Variants in EPHA5 observed in about 807,000 individuals in gnomAD.
EPHA5 encodes the protein ephrin type-A receptor 5.
A neutral mutation model predicts 105.0 loss-of-function variants in EPHA5; 60 were observed. The observed-to-expected ratio is 0.57, with a 90% confidence interval of 0.46 to 0.71. EPHA5 has a LOEUF of 0.71. Ranked by LOEUF, EPHA5 falls within the 30% of genes least tolerant of loss-of-function variation. The probability of loss-of-function intolerance (pLI) is 0.00; values close to 1 mark genes in which losing one functional copy is unlikely to be tolerated. For missense variants in EPHA5, 1,218 were observed against 1,274.7 expected, an observed-to-expected ratio of 0.96 and a Z score of 0.68; for synonymous variants, 513 against 449.1, an observed-to-expected ratio of 1.14 and a Z score of -1.80.
At chr4:65,402,929 A>T (rs1721990711) in intron 8 of EPHA5, among the ~76,000 whole-genome samples, 1 of 152,150 alleles carries the variant, frequency 6.6e-6, no homozygotes, top group South Asian at 2.1e-4. Context: ...TCCCCAGGTG[A>T]CTTCAGAGAG....
In EPHA5 at chr4:65,669,935, C is replaced by T; in HGVS notation, c.-193G>A. On this transcript the variant is annotated 5_prime_UTR_variant, in exon 1 of 17. Transcript: ENST00000613740. ...CAGCTGAAGTTTGCTTCTGGCTCCT[C>T]TCGCCTCCCCCTTTGGTGGGGTTAA... 1 of 799,972 alleles carries T rather than the reference C, an allele frequency of 1.3e-6. No homozygotes were observed. Among genetic ancestry groups the T allele is most frequent in the African/African-American group, 1.8e-5 (1 of 56,168 alleles). The allele number at this position is 799,972 out of a possible 1,614,324, so 49.6% of individuals were successfully genotyped here. A position where few individuals can be genotyped will look rare whatever the true frequency, so the allele number is the denominator to read the frequency against.
At chr4:65,434,133 C>T (rs565657257) in intron 5 of EPHA5, among the ~76,000 whole-genome samples, 1 of 152,280 alleles carries the variant, frequency 6.6e-6, no homozygotes, top group South Asian at 2.1e-4. Context: ...TTATCTAACT[C>T]TATTGGCTCT....
At chr4:65,502,470 G>C (rs1409099542) in intron 3 of EPHA5, among the ~76,000 whole-genome samples, 1 of 150,142 alleles carries the variant, frequency 6.7e-6, no homozygotes, top group Non-Finnish European at 1.5e-5. Context: ...CTTCTCAAAA[G>C]AAAAGATACA....
chr4:65,393,408 A>G (rs536463559), intron 8 of EPHA5, among the ~76,000 whole-genome samples: 17 of 152,250 alleles, frequency 1.1e-4, no homozygotes, highest in African/African-American at 4.1e-4. Flanking sequence ...GAAGGGTGAG[A>G]GCCCTAAAGT....
At chr4:65,576,610 C>A (rs1305917826) in intron 3 of EPHA5, among the ~76,000 whole-genome samples, 3 of 152,170 alleles carry the variant, frequency 2.0e-5, no homozygotes, top group Admixed American at 2.0e-4. Context: ...ACTGAATTAT[C>A]CAAATAAGGC....
chr4:65,479,483 T>C, intron 5 of EPHA5, among the ~76,000 whole-genome samples: 1 of 152,310 alleles, frequency 6.6e-6, no homozygotes, highest in East Asian at 1.9e-4. Context: ...AAAATAGAAC[T>C]ATATTAGGTA....
At chr4:65,426,405 T>G (rs6551926) in intron 5 of EPHA5, among the ~76,000 whole-genome samples, 64,288 of 152,076 alleles carry the variant, frequency 0.42, 14,789 homozygotes, top group Non-Finnish European at 0.52. Context: ...TTTTCAGAAT[T>G]AACTTCCTGA....
chr4:65,593,049 C>G (rs1412828352), intron 3 of EPHA5, among the ~76,000 whole-genome samples: 3 of 152,046 alleles, frequency 2.0e-5, no homozygotes, highest in Non-Finnish European at 4.4e-5. Flanking sequence ...ATGGATGCAC[C>G]TCTACTTTTT....
At chr4:65,416,411 G>A (rs1243652708) in intron 6 of EPHA5, among the ~76,000 whole-genome samples, 1 of 152,132 alleles carries the variant, frequency 6.6e-6, no homozygotes, top group Non-Finnish European at 1.5e-5. Flanking sequence ...ACCACCAAGC[G>A]TAATCTCTAC....
chr4:65,374,511 G>T (rs1718795734), intron 8 of EPHA5, among the ~76,000 whole-genome samples: 1 of 151,832 alleles, frequency 6.6e-6, no homozygotes, highest in South Asian at 2.1e-4. Flanking sequence ...AATTAGAATC[G>T]CAGAGCCTTG....
At chr4:65,379,946 C>A (rs1186245056) in intron 8 of EPHA5, among the ~76,000 whole-genome samples, 1 of 151,702 alleles carries the variant, frequency 6.6e-6, no homozygotes, top group Non-Finnish European at 1.5e-5. Context: ...CCCCTAATAA[C>A]CTTTTAAAAT....
intron 3 of EPHA5, among the ~76,000 whole-genome samples, chr4:65,552,986 T>C (rs2149343172): frequency 6.6e-6 from 1 of 152,212 alleles, no homozygotes; most frequent in African/African-American, 2.4e-5. Context: ...GCTTTCCCAA[T>C]ATTACCTACT....
At chr4:65,573,386 G>C in intron 3 of EPHA5, 1 of 922,522 alleles carries the variant, frequency 1.1e-6, no homozygotes, top group Non-Finnish European at 1.5e-6. Flanking sequence ...ACTCCAGCCT[G>C]GGTGACCGAG....
intron 3 of EPHA5, among the ~76,000 whole-genome samples, chr4:65,518,595 C>G (rs962637485): frequency 6.6e-6 from 1 of 151,994 alleles, no homozygotes; most frequent in African/African-American, 2.4e-5. Context: ...CTGGTTTTAA[C>G]TAGCCTAGTT....
chr4:65,669,942 C>T lies in EPHA5; in HGVS notation c.-200G>A, dbSNP rs1302820972. 17 of 756,214 alleles carry T rather than the reference C, an allele frequency of 2.2e-5. No individual in the cohort carries two copies. Among genetic ancestry groups the T allele is most frequent in the Non-Finnish European group, 2.5e-5 (14 of 554,402 alleles). The allele number at this position is 756,214 out of a possible 1,614,324, so 46.8% of individuals were successfully genotyped here. On this transcript the variant is annotated 5_prime_UTR_variant, in exon 1 of 17. Transcript: ENST00000613740. ...AGTTTGCTTCTGGCTCCTCTCGCCT[C>T]CCCCTTTGGTGGGGTTAAATGAAAT...
At chr4:65,532,189 G>A (rs1184253015) in intron 3 of EPHA5, among the ~76,000 whole-genome samples, 6 of 152,020 alleles carry the variant, frequency 3.9e-5, no homozygotes, top group East Asian at 3.9e-4. Flanking sequence ...TTTTGACAAC[G>A]AGTACTCTTT....
At chr4:65,630,261 T>C (rs2149490366) in intron 2 of EPHA5, among the ~76,000 whole-genome samples, 1 of 152,226 alleles carries the variant, frequency 6.6e-6, no homozygotes, top group African/African-American at 2.4e-5. Context: ...CTATGAGATC[T>C]CAAGAGTTGG....
At chr4:65,503,651 GT>G (rs1732713730) in intron 3 of EPHA5, among the ~76,000 whole-genome samples, 1 of 151,518 alleles carries the variant, frequency 6.6e-6, no homozygotes, top group Admixed American at 6.6e-5. Context: ...AATAAATTTG[GT>G]TACATATTCA....
intron 5 of EPHA5, among the ~76,000 whole-genome samples, chr4:65,460,448 T>A (rs1162662087): frequency 6.6e-6 from 1 of 151,148 alleles, no homozygotes; most frequent in African/African-American, 2.4e-5. Context: ...GAATACTAGA[T>A]AATTAAATGA....
Sources: gnomAD v4.1 joint callset for allele counts (sites outside exome capture counted in the v4.1 genomes callset) on GRCh38, gnomAD v4.1.1 for gene constraint, MANE v1.5 for transcripts, NCBI Gene and HGNC (gene_info 2026-07-23, HGNC 2026-07-21) for gene names.